The following TOGARAM2 variants were observed in gnomAD, a reference collection of about 807,000 sequenced individuals.
TOGARAM2 encodes the protein TOG array regulator of axonemal microtubules protein 2.
TOGARAM2 carries 85 observed loss-of-function variants against 93.3 expected under a neutral mutation model. The observed-to-expected ratio is 0.91, with a 90% CI of 0.76 to 1.09. TOGARAM2 has a LOEUF of 1.09. Ranked by LOEUF, TOGARAM2 falls within the 50% of genes least tolerant of loss-of-function variation. The probability of loss-of-function intolerance (pLI) is 0.00; values close to 1 mark genes in which losing one functional copy is unlikely to be tolerated. For synonymous variants in TOGARAM2, 593 were observed against 552.8 expected (o/e 1.07, Z -1.02); for missense variants, 1,277 against 1,334.5 (o/e 0.96, Z 0.67).
chr2:29,043,995 C>G (rs1666590303), intron 18 of TOGARAM2, among the ~76,000 whole-genome samples: 1 of 152,218 alleles, frequency 6.6e-6, no homozygotes, highest in Non-Finnish European at 1.5e-5. Flanking sequence ...CCGGAAATGT[C>G]CCCACCCCAT....
In TOGARAM2 at chr2:29,029,264, T is replaced by TATACAC. The variant is rs1553344446; in HGVS notation, c.2012+2254_2012+2255insTACACA. ...TGATATGTATGTATGTATGTGTGTA[T>TATACAC]ACACACACACACACACACACACACA... is the stretch of plus-strand genomic sequence containing the variant. On this transcript the variant is annotated intron_variant, in intron 14 of 19. Coordinates refer to ENST00000379558, the MANE Select transcript of TOGARAM2 (RefSeq NM_199280.4). 1.1e-4 allele frequency among the ~76,000 whole-genome samples: 16 copies of TATACAC among 147,988 alleles called. No homozygotes were observed. In the East Asian group the frequency reaches 3.2e-3, roughly 30 times the overall value.
intron 18 of TOGARAM2, among the ~76,000 whole-genome samples, chr2:29,042,773 G>A (rs1322180168): frequency 6.6e-6 from 1 of 152,176 alleles, no homozygotes; most frequent in Non-Finnish European, 1.5e-5. Flanking sequence ...CTCTTACAGG[G>A]GGCAGTAGCT....
chr2:29,030,414 A>C (rs1006965039), intron 14 of TOGARAM2, among the ~76,000 whole-genome samples: 1 of 152,164 alleles, frequency 6.6e-6, no homozygotes, highest in Non-Finnish European at 1.5e-5. Context: ...AGCATCTACT[A>C]GAGCATCTAC....
intron 1 of TOGARAM2, among the ~76,000 whole-genome samples, chr2:28,989,778 C>T (rs1345522773): frequency 6.6e-6 from 1 of 152,236 alleles, no homozygotes; most frequent in African/African-American, 2.4e-5. Context: ...GATCAGACAG[C>T]CTTGGCCTCC....
intron 1 of TOGARAM2, among the ~76,000 whole-genome samples, chr2:28,990,972 AGT>A (rs71403639): frequency 3.8e-5 from 5 of 131,902 alleles, no homozygotes; most frequent in African/African-American, 1.2e-4. Flanking sequence ...TGGACATGCG[AGT>A]GTGTGTGTGT....
chr2:29,016,201 C>T (rs558362031), intron 8 of TOGARAM2, among the ~76,000 whole-genome samples: 3 of 152,280 alleles, frequency 2.0e-5, no homozygotes, highest in Non-Finnish European at 2.9e-5. Context: ...CTTCCTCTCT[C>T]GCCCCGCACC....
At chr2:29,016,503 G>A (rs1008788033) in intron 8 of TOGARAM2, among the ~76,000 whole-genome samples, 9 of 152,184 alleles carry the variant, frequency 5.9e-5, no homozygotes, top group Non-Finnish European at 7.3e-5. Context: ...GACAACTTAC[G>A]AGTTGTTCTT....
chr2:29,006,389 CGTGT>C (rs371141047), intron 6 of TOGARAM2, among the ~76,000 whole-genome samples: 36 of 122,264 alleles, frequency 2.9e-4, no homozygotes, highest in African/African-American at 1.0e-3. Flanking sequence ...TGTGTGAGTG[CGTGT>C]GTGTGAGTGC....
chr2:29,042,786 A>G (rs1206272635), intron 18 of TOGARAM2, among the ~76,000 whole-genome samples: 1 of 151,862 alleles, frequency 6.6e-6, no homozygotes, highest in Non-Finnish European at 1.5e-5. Context: ...CAGTAGCTTC[A>G]CTCTCTCTCT....
At position 29,011,504 on chromosome 2, in the gene TOGARAM2, A is replaced by G; in HGVS notation, c.877+3A>G. On this transcript the variant is annotated splice_donor_region_variant and intron_variant, in intron 7 of 19. Transcript: ENST00000379558. ...GGAGAAGACCCCTGCATCTCTGGGT[A>G]CGTATCTTCCATGCACACCTCCCTT... 2 of 1,604,168 alleles carry G rather than the reference A, an allele frequency of 1.2e-6. No homozygotes were observed. Among genetic ancestry groups the G allele is most frequent in the Non-Finnish European group, 1.7e-6 (2 of 1,176,450 alleles).
At chr2:28,962,192 TTGAGACAGAGTCTCGCTC>T (rs1671812024) in intron 1 of TOGARAM2, among the ~76,000 whole-genome samples, 1 of 151,910 alleles carries the variant, frequency 6.6e-6, no homozygotes, top group Non-Finnish European at 1.5e-5. Context: ...TTTTTTTTTT[TTGAGACAGAGTCTCGCTC>T]TGTCACCCAG....
chr2:29,013,046 C>CCAGCCTCAGG (rs780425842), intron 7 of TOGARAM2, among the ~76,000 whole-genome samples: 2 of 152,230 alleles, frequency 1.3e-5, no homozygotes, highest in Non-Finnish European at 2.9e-5. Context: ...GATGCCTTTT[C>CCAGCCTCAGG]CAGCCTCAGG....
chr2:29,029,084 C>T (rs746087006), intron 14 of TOGARAM2, among the ~76,000 whole-genome samples: 5 of 152,154 alleles, frequency 3.3e-5, no homozygotes, highest in Non-Finnish European at 5.9e-5. Context: ...AACTACCATT[C>T]GATCCTGCAA....
At chr2:28,964,094 G>T (rs142339022) in intron 1 of TOGARAM2, among the ~76,000 whole-genome samples, 30 of 152,252 alleles carry the variant, frequency 2.0e-4, no homozygotes, top group African/African-American at 7.0e-4. Context: ...TGTCATGCAG[G>T]TTTTCTACTT....
intron 1 of TOGARAM2, among the ~76,000 whole-genome samples, chr2:28,974,130 T>TTC (rs1671992404): frequency 6.7e-6 from 1 of 149,008 alleles, no homozygotes. Flanking sequence ...ATATATCCTT[T>TTC]TTTTTTTTTT....
In TOGARAM2 at chr2:28,970,054, G is replaced by A. The variant is rs186960044; in HGVS notation, c.-147+13357G>A. Among the ~76,000 whole-genome samples the A allele has an allele frequency of 1.6e-4, 25 of 152,180 alleles. No homozygotes were observed. The East Asian group carries it at 4.5e-3, about 27-fold the overall frequency. ...TCTCGAACTCTTGACCTCGTGATCC[G>A]CCCGCCTTGGCCTCCCAAAGTGCTA... On this transcript the variant is annotated intron_variant, in intron 1 of 6. Transcript: ENST00000401723.
rs200679449 is a variant in TOGARAM2 at position 29,026,869 on chromosome 2, A to G, written c.1870A>G (p.Ile624Val). The change falls in exon 14 of 20, where the codon ATC becomes GTC. Residue 624 changes from isoleucine to valine, a missense_variant. Physicochemically the swap from Ile to Val is conservative, Grantham distance 29 (BLOSUM62 3). Transcript: ENST00000379558. The part of the protein sequence containing the change: ...SAGVYHRNPL[I>V]RKYAAEHLSA... The stretch of plus-strand genomic sequence containing the variant: ...TCCTTTCAGCCACCGGAACCCCTTG[A>G]TCCGGAAATACGCGGCTGAGCACCT... The G allele has an allele frequency of 6.3e-7, 1 of 1,592,214 alleles. No individual in the cohort carries two copies. Among genetic ancestry groups the G allele is most frequent in the East Asian group, 2.3e-5 (1 of 43,830 alleles).
intron 18 of TOGARAM2, among the ~76,000 whole-genome samples, chr2:29,041,793 A>G (rs1482169324): frequency 6.6e-6 from 1 of 152,116 alleles, no homozygotes; most frequent in Non-Finnish European, 1.5e-5. Flanking sequence ...AGGCTAATGG[A>G]GTGTAGATTT....
At chr2:29,043,137 A>T (rs1304028068) in intron 18 of TOGARAM2, among the ~76,000 whole-genome samples, 1 of 152,202 alleles carries the variant, frequency 6.6e-6, no homozygotes, top group Non-Finnish European at 1.5e-5. Flanking sequence ...ATGAAAATCT[A>T]TTCTTAACGC....
Sources: gnomAD v4.1 joint callset for allele counts (sites outside exome capture counted in the v4.1 genomes callset) on GRCh38, gnomAD v4.1.1 for gene constraint, MANE v1.5 for transcripts, NCBI Gene and HGNC (gene_info 2026-07-23, HGNC 2026-07-21) for gene names.